Variants in CCSER1 observed in about 807,000 individuals in gnomAD.
CCSER1 encodes the protein serine-rich coiled-coil domain-containing protein 1.
A neutral mutation model predicts 82.0 loss-of-function variants in CCSER1; 41 were observed. The ratio of observed to expected loss-of-function variants is 0.50; its 90% CI spans 0.39 to 0.65. The LOEUF (loss-of-function observed/expected upper bound fraction) is 0.65, where lower values mean the gene tolerates loss of function less well. Among genes scored for constraint, CCSER1 ranks in the 30% least tolerant of loss-of-function variants. The probability of loss-of-function intolerance (pLI) is 0.00; values close to 1 mark genes in which losing one functional copy is unlikely to be tolerated. For missense variants in CCSER1, 1,119 were observed against 1,064.2 expected (o/e 1.05, Z -0.72); for synonymous variants, 414 against 383.9 (o/e 1.08, Z -0.92).
chr4:90,982,785 G>A (rs1736234360), intron 9 of CCSER1, among the ~76,000 whole-genome samples: 1 of 151,732 alleles, frequency 6.6e-6, no homozygotes. Flanking sequence ...AACCTAGGTG[G>A]CTGAAAAGAG....
chr4:91,291,685 A>G (rs1304937476), intron 10 of CCSER1, among the ~76,000 whole-genome samples: 3 of 151,992 alleles, frequency 2.0e-5, no homozygotes, highest in Non-Finnish European at 4.4e-5. Flanking sequence ...CATTCACTAG[A>G]AAGTGCCCCT....
At chr4:90,500,694 T>G (rs1275104787) in intron 5 of CCSER1, among the ~76,000 whole-genome samples, 1 of 152,046 alleles carries the variant, frequency 6.6e-6, no homozygotes, top group African/African-American at 2.4e-5. Flanking sequence ...AGCATAGACT[T>G]GGAAGAGAAG....
intron 10 of CCSER1, among the ~76,000 whole-genome samples, chr4:91,357,454 A>G (rs1421806083): frequency 1.3e-5 from 2 of 152,318 alleles, no homozygotes; most frequent in South Asian, 2.1e-4. Flanking sequence ...AAACTGGATG[A>G]TATCTTTTTA....
At chr4:91,590,911 A>G (rs977726480) in intron 10 of CCSER1, among the ~76,000 whole-genome samples, 19 of 152,158 alleles carry the variant, frequency 1.2e-4, no homozygotes, top group African/African-American at 4.6e-4. Flanking sequence ...AAGGATAGAA[A>G]TGTATGTATA....
chr4:91,529,590 T>C (rs1349822883), intron 10 of CCSER1, among the ~76,000 whole-genome samples: 2 of 152,138 alleles, frequency 1.3e-5, no homozygotes, highest in Non-Finnish European at 2.9e-5. Flanking sequence ...ATTTATTGTA[T>C]AAATACTAGG....
At chr4:90,906,266 A>G (rs988147525) in intron 8 of CCSER1, among the ~76,000 whole-genome samples, 6 of 152,156 alleles carry the variant, frequency 3.9e-5, no homozygotes, top group African/African-American at 1.4e-4. Flanking sequence ...TTGAAGGATA[A>G]TGAATTTCAT....
At position 90,932,986 on chromosome 4, in the gene CCSER1, A is replaced by AGAG. The variant is rs1561385193; in HGVS notation, c.2172+9539_2172+9540insGAG. Among the ~76,000 whole-genome samples the AGAG allele has an allele frequency of 1.1e-3, 31 of 29,174 alleles. 11 individuals carry two copies. The highest frequency in any genetic ancestry group is 1.5e-3 in the Non-Finnish European group (23 of 14,918). 19.1% of individuals were successfully genotyped at this position (29,174 alleles called of 152,430 possible). A position where few individuals can be genotyped will look rare whatever the true frequency, so the allele number is the denominator to read the frequency against. ...AGAAAGAAAGAAAGAAAGAAAGAGA[A>AGAG]AGAAAGAAAGAAAGAAAGAAAGAAA... is the stretch of plus-strand genomic sequence containing the variant. On this transcript the variant is annotated intron_variant, in intron 9 of 10. Coordinates refer to ENST00000509176, the MANE Select transcript of CCSER1 (RefSeq NM_001145065.2).
At chr4:90,756,995 TA>T (rs1444409671) in intron 7 of CCSER1, among the ~76,000 whole-genome samples, 1 of 152,178 alleles carries the variant, frequency 6.6e-6, no homozygotes, top group Non-Finnish European at 1.5e-5. Context: ...TAACCTAGAT[TA>T]GAACTTTAAT....
intron 8 of CCSER1, among the ~76,000 whole-genome samples, chr4:90,878,214 G>A (rs1720655013): frequency 6.6e-6 from 1 of 152,078 alleles, no homozygotes; most frequent in Admixed American, 6.6e-5. Flanking sequence ...CATAGACCAT[G>A]CTATCTAGCT....
At chr4:91,339,009 T>C (rs1327722125) in intron 10 of CCSER1, among the ~76,000 whole-genome samples, 1 of 152,194 alleles carries the variant, frequency 6.6e-6, no homozygotes, top group Non-Finnish European at 1.5e-5. Flanking sequence ...CCCTATCATA[T>C]CAAGTAATGA....
At chr4:90,933,466 C>A (rs1730523556) in intron 9 of CCSER1, among the ~76,000 whole-genome samples, 1 of 150,936 alleles carries the variant, frequency 6.6e-6, no homozygotes, top group South Asian at 2.1e-4. Context: ...GGATTACAGG[C>A]GTGAGCCACC....
chr4:90,711,302 C>A (rs1472789110), intron 6 of CCSER1, among the ~76,000 whole-genome samples: 1 of 152,018 alleles, frequency 6.6e-6, no homozygotes, highest in Non-Finnish European at 1.5e-5. Flanking sequence ...TTCCTATAAT[C>A]CTACTTGAAT....
intron 9 of CCSER1, among the ~76,000 whole-genome samples, chr4:91,060,328 CAGA>C (rs1743850992): frequency 6.6e-6 from 1 of 151,842 alleles, no homozygotes; most frequent in African/African-American, 2.4e-5. Flanking sequence ...CTTTAATAAA[CAGA>C]AGAATTGGCT....
intron 10 of CCSER1, among the ~76,000 whole-genome samples, chr4:91,181,175 T>G (rs1733996472): frequency 6.6e-6 from 1 of 152,212 alleles, no homozygotes; most frequent in Admixed American, 6.5e-5. Flanking sequence ...GGCCAGATTT[T>G]GGGGGGCCTG....
intron 5 of CCSER1, among the ~76,000 whole-genome samples, chr4:90,593,163 A>C (rs573570106): frequency 6.6e-5 from 10 of 152,254 alleles, no homozygotes; most frequent in South Asian, 2.1e-4. Flanking sequence ...TTTTAATCAC[A>C]TCATAGGAAA....
rs528610923 is a variant in CCSER1, at chr4:91,218,180, A to T, written c.2217+132186A>T. On this transcript the variant is annotated intron_variant, in intron 10 of 10. Coordinates refer to ENST00000509176, the MANE Select transcript of CCSER1 (RefSeq NM_001145065.2). ...CACGGTGGGCCGGCACTGCTGGGGG[A>T]CTCAGTACACCCTTGGCAGCCACTG... is the stretch of plus-strand genomic sequence containing the variant. Among the ~76,000 whole-genome samples the T allele has an allele frequency of 3.3e-5, 5 of 152,048 alleles. No individual in the cohort carries two copies. In the East Asian group the frequency reaches 9.7e-4, roughly 29 times the overall value.
At chr4:90,626,886 T>C (rs1289173601) in intron 5 of CCSER1, among the ~76,000 whole-genome samples, 1 of 152,164 alleles carries the variant, frequency 6.6e-6, no homozygotes, top group East Asian at 1.9e-4. Flanking sequence ...CATTATGTAG[T>C]TAGTAGGGGG....
At chr4:91,450,857 A>G (rs996844333) in intron 10 of CCSER1, among the ~76,000 whole-genome samples, 10 of 152,166 alleles carry the variant, frequency 6.6e-5, no homozygotes, top group Admixed American at 5.2e-4. Flanking sequence ...GAGCTCAGAC[A>G]GGGCTAGGAG....
At chr4:90,838,193 T>A (rs1228554844) in intron 8 of CCSER1, among the ~76,000 whole-genome samples, 1 of 151,704 alleles carries the variant, frequency 6.6e-6, no homozygotes, top group Non-Finnish European at 1.5e-5. Context: ...TAAACTAAGA[T>A]ACTTTTAAAA....
Sources: gnomAD v4.1 joint callset for allele counts (sites outside exome capture counted in the v4.1 genomes callset) on GRCh38, gnomAD v4.1.1 for gene constraint, MANE v1.5 for transcripts, NCBI Gene and HGNC (gene_info 2026-07-23, HGNC 2026-07-21) for gene names.